MRE11: variants seen among roughly 807,000 people sequenced by gnomAD.
MRE11 encodes double-strand break repair protein MRE11.
A neutral mutation model predicts 91.7 loss-of-function variants in MRE11; 62 were observed. The ratio of observed to expected loss-of-function variants is 0.68; its 90% confidence interval spans 0.55 to 0.84. The LOEUF is 0.84. MRE11 is among the 40% of genes least tolerant of loss of function. The pLI is 0.00. For synonymous variants in MRE11, 273 were observed against 271.4 expected (o/e 1.01, Z -0.06); for missense variants, 796 against 852.9 (o/e 0.93, Z 0.83).
rs762697681 is a variant in MRE11 at position 94,418,672 on chromosome 11, T to C, written c.*1453A>G. Reference sequence around the variant, plus strand: ...CTGCTTTGTTCAAATACTAGAAATATTAGATTTCAAGTTCAATAAAGATGT... The same window carrying C: ...CTGCTTTGTTCAAATACTAGAAATACTAGATTTCAAGTTCAATAAAGATGT... On this transcript the variant is annotated 3_prime_UTR_variant, in exon 20 of 20. Coordinates refer to ENST00000323929, the MANE Select transcript of MRE11 (RefSeq NM_005591.4). 4 of 232,392 alleles carry C rather than the reference T, an allele frequency of 1.7e-5. No homozygotes were observed. Among genetic ancestry groups the C allele is most frequent in the Non-Finnish European group, 3.4e-5 (4 of 117,578 alleles). The allele number at this position is 232,392 out of a possible 1,614,324, so 14.4% of individuals were successfully genotyped here.
At chr11:94,498,201 A>G, upstream of MRE11, 1 of 1,614,192 alleles carries the variant, frequency 6.2e-7, no homozygotes, top group Non-Finnish European at 8.5e-7. Flanking sequence ...CTCATTGCAC[A>G]GGGGGCCGAT....
At position 94,456,304 on chromosome 11, in the gene MRE11, G is replaced by C. The variant is rs781438010; in HGVS notation, c.1535C>G (p.Thr512Ser). 1.2e-6 allele frequency: 2 copies of C among 1,613,402 alleles called. No individual in the cohort carries two copies. Among genetic ancestry groups the C allele is most frequent in the African/African-American group, 2.7e-5 (2 of 74,868 alleles). ...ACGGACTTCATCATCTTCTTCATTA[G>C]TATTTTTTTGTCTGGTTTCTCTGAA... ...RRFRETRQKNTNEEDDEVREA... is the reference protein window; with the variant it reads ...RRFRETRQKNSNEEDDEVREA... The change falls in exon 14 of 20, where the codon ACT becomes AGT. Residue 512 changes from threonine to serine, a missense_variant. Transcript: ENST00000323929.
At position 94,417,529 on chromosome 11, in the gene MRE11, T is replaced by C; in HGVS notation, c.*2596A>G. 4.3e-6 allele frequency: 1 copy of C among 233,060 alleles called. No individual in the cohort carries two copies. Among genetic ancestry groups the C allele is most frequent in the Non-Finnish European group, 8.5e-6 (1 of 117,942 alleles). 14.4% of individuals were successfully genotyped at this position (233,060 alleles called of 1,614,324 possible). A position where few individuals can be genotyped will look rare whatever the true frequency, so the allele number is the denominator to read the frequency against. ...ATTGCAACTACACTAACTTCGTAAT[T>C]TTAGATTTGCAGTTGCATCCTCCTA... On this transcript the variant is annotated 3_prime_UTR_variant, in exon 20 of 20. Coordinates refer to ENST00000323929, the MANE Select transcript of MRE11 (RefSeq NM_005591.4).
intron 7 of MRE11, among the ~76,000 whole-genome samples, chr11:94,473,945 C>T (rs144010506): frequency 1.8e-4 from 27 of 152,144 alleles, no homozygotes; most frequent in African/African-American, 6.5e-4. Flanking sequence ...AGGGAGAAGA[C>T]AAAAATGGAC....
chr11:94,498,675 G>T, upstream of MRE11: 1 of 690,592 alleles, frequency 1.4e-6, no homozygotes. Flanking sequence ...TGAATTGCCT[G>T]ACTTTGATGT....
intron 16 of MRE11, among the ~76,000 whole-genome samples, chr11:94,441,246 C>A (rs974868153): frequency 6.6e-6 from 1 of 152,194 alleles, no homozygotes; most frequent in Admixed American, 6.5e-5. Flanking sequence ...TTATACCACA[C>A]CTTGCTCTTG....
chr11:94,478,598 T>C, intron 6 of MRE11, 137 bp downstream of exon 6: 1 of 1,013,262 alleles, frequency 9.9e-7, no homozygotes, highest in South Asian at 1.7e-5. Context: ...ACCAAAACCA[T>C]CCATCATTTT....
At chr11:94,512,184 C>T in the MRE11 span, among the ~76,000 whole-genome samples, 1 of 152,178 alleles carries the variant, frequency 6.6e-6, no homozygotes, top group African/African-American at 2.4e-5. Context: ...CCAACGGTGC[C>T]GCTTCCTAGC....
chr11:94,497,158 A>G, upstream of MRE11: 1 of 627,480 alleles, frequency 1.6e-6, no homozygotes, highest in Non-Finnish European at 2.8e-6. Flanking sequence ...CTATAAAGAT[A>G]GCAAGCAATC....
In MRE11 at chr11:94,418,511, G is replaced by A. The variant is rs1945082115; in HGVS notation, c.*1614C>T. 4.3e-6 allele frequency: 1 copy of A among 232,588 alleles called. No homozygotes were observed. Among genetic ancestry groups the A allele is most frequent in the South Asian group, 1.8e-4 (1 of 5,514 alleles). 14.4% of individuals were successfully genotyped at this position (232,588 alleles called of 1,614,324 possible). The stretch of plus-strand genomic sequence containing the variant: ...AACTGATGCATGAGAAGAGCCACTA[G>A]CTGATGTGGCCCACAGCTCAGACTG... On this transcript the variant is annotated 3_prime_UTR_variant, in exon 20 of 20. Transcript: ENST00000323929.
At chr11:94,434,730 C>A (rs1032422510) in intron 18 of MRE11, among the ~76,000 whole-genome samples, 9 of 152,162 alleles carry the variant, frequency 5.9e-5, no homozygotes, top group African/African-American at 1.7e-4. Context: ...CCCATAAGCA[C>A]TCACACTTAT....
chr11:94,428,330 G>C (rs988138285), intron 19 of MRE11, among the ~76,000 whole-genome samples: 3 of 152,168 alleles, frequency 2.0e-5, no homozygotes, highest in Non-Finnish European at 4.4e-5. Context: ...AGGATAACCG[G>C]CTAGCAATGT....
At chr11:94,463,484 G>A (rs1028904806) in intron 11 of MRE11, among the ~76,000 whole-genome samples, 1 of 152,114 alleles carries the variant, frequency 6.6e-6, no homozygotes, top group African/African-American at 2.4e-5. Flanking sequence ...ATGCACACAT[G>A]TGTTTATTGT....
At chr11:94,427,757 G>T (rs780232401) in intron 19 of MRE11, among the ~76,000 whole-genome samples, 2 of 151,836 alleles carry the variant, frequency 1.3e-5, no homozygotes, top group Non-Finnish European at 2.9e-5. Context: ...CGTTCAAGCT[G>T]AGAGTCAAAT....
At chr11:94,454,431 T>C (rs1339627909) in intron 14 of MRE11, among the ~76,000 whole-genome samples, 1 of 152,122 alleles carries the variant, frequency 6.6e-6, no homozygotes, top group Non-Finnish European at 1.5e-5. Flanking sequence ...GTCTTGTTTG[T>C]CAGTATAAGT....
intron 11 of MRE11, 22 bp downstream of exon 11, chr11:94,464,091 C>T (rs1337391435): frequency 1.2e-6 from 2 of 1,606,064 alleles, no homozygotes; most frequent in Non-Finnish European, 1.7e-6. Context: ...ATTTTTTTAC[C>T]TCATAAAAAT....
chr11:94,488,351 GA>G (rs1947196024), intron 3 of MRE11, among the ~76,000 whole-genome samples: 1 of 152,178 alleles, frequency 6.6e-6, no homozygotes, highest in Non-Finnish European at 1.5e-5. Context: ...ATACACTGTT[GA>G]TGGGGGTGTA....
intron 19 of MRE11, among the ~76,000 whole-genome samples, chr11:94,424,350 G>T (rs753046916): frequency 2.0e-5 from 3 of 152,104 alleles, no homozygotes; most frequent in African/African-American, 7.2e-5. Context: ...CAGAAACAAG[G>T]CCAGTTGACT....
chr11:94,451,760 TA>T (rs921001818), intron 14 of MRE11, among the ~76,000 whole-genome samples: 1 of 152,126 alleles, frequency 6.6e-6, no homozygotes, highest in African/African-American at 2.4e-5. Context: ...ATTCCTGATT[TA>T]AACAAATAAG....
Sources: gnomAD v4.1 joint callset for allele counts (sites outside exome capture counted in the v4.1 genomes callset) on GRCh38, gnomAD v4.1.1 for gene constraint, MANE v1.5 for transcripts, NCBI Gene and HGNC (gene_info 2026-07-23, HGNC 2026-07-21) for gene names.